HDAC9: variants seen among roughly 807,000 people sequenced by gnomAD.
The protein encoded by HDAC9 is MEF-2 interacting transcription repressor (MITR) protein.
HDAC9 carries 41 observed loss-of-function variants against 139.4 expected under a neutral mutation model. The observed-to-expected ratio is 0.29, with a 90% CI of 0.23 to 0.38. The LOEUF is 0.38. Among genes scored for constraint, HDAC9 ranks in the 10% least tolerant of loss-of-function variants. HDAC9 has a pLI of 1.00. For missense variants in HDAC9, 1,147 were observed against 1,297.0 expected (o/e 0.88, Z 1.78); for synonymous variants, 517 against 476.2 (o/e 1.09, Z -1.12).
intron 23 of HDAC9, among the ~76,000 whole-genome samples, chr7:18,940,775 C>A (rs189490838): frequency 3.3e-5 from 5 of 152,202 alleles, no homozygotes; most frequent in African/African-American, 1.2e-4. Context: ...ATTAGTGGCA[C>A]CCCGGGTTAC....
At chr7:18,804,890 G>A (rs779693117) in intron 17 of HDAC9, among the ~76,000 whole-genome samples, 1 of 152,138 alleles carries the variant, frequency 6.6e-6, no homozygotes, top group Non-Finnish European at 1.5e-5. Flanking sequence ...TGCTTCCCAG[G>A]CTTAAGTGAT....
At chr7:18,909,493 A>G (rs142469397) in intron 22 of HDAC9, among the ~76,000 whole-genome samples, 4 of 151,770 alleles carry the variant, frequency 2.6e-5, no homozygotes, top group Middle Eastern at 3.2e-3. Context: ...CATTTCCCCT[A>G]TGTTTTCTTT....
intron 6 of HDAC9, among the ~76,000 whole-genome samples, chr7:18,620,669 C>T (rs936913296): frequency 6.6e-6 from 1 of 152,094 alleles, no homozygotes; most frequent in Non-Finnish European, 1.5e-5. Context: ...AAGTGCTGCT[C>T]TTAGAGGGAA....
At chr7:18,548,253 G>A (rs1385972746) in intron 2 of HDAC9, among the ~76,000 whole-genome samples, 1 of 152,022 alleles carries the variant, frequency 6.6e-6, no homozygotes, top group South Asian at 2.1e-4. Flanking sequence ...GGTGTGGTTC[G>A]TGGTGCTCCA....
intron 1 of HDAC9, among the ~76,000 whole-genome samples, chr7:18,108,910 C>T (rs1376386451): frequency 2.0e-5 from 3 of 152,118 alleles, no homozygotes; most frequent in African/African-American, 2.4e-5. Context: ...TGAGCCACTG[C>T]GCCTGGCCAC....
intron 13 of HDAC9, among the ~76,000 whole-genome samples, chr7:18,740,561 C>T (rs1013011201): frequency 1.6e-4 from 24 of 152,240 alleles, no homozygotes; most frequent in African/African-American, 5.5e-4. Context: ...TCTTTTTGGC[C>T]CTCTCTATTC....
intron 1 of HDAC9, among the ~76,000 whole-genome samples, chr7:18,334,830 T>A (rs1331965309): frequency 6.6e-6 from 1 of 151,456 alleles, no homozygotes; most frequent in African/African-American, 2.4e-5. Context: ...GCTATTTTGC[T>A]CTCTGAAACT....
intron 1 of HDAC9, among the ~76,000 whole-genome samples, chr7:18,304,747 G>A (rs541613815): frequency 3.3e-5 from 5 of 152,186 alleles, no homozygotes; most frequent in African/African-American, 9.6e-5. Context: ...TTTAATGGGG[G>A]CAGAGTGCGT....
intron 13 of HDAC9, among the ~76,000 whole-genome samples, chr7:18,737,865 A>G (rs1438937241): frequency 6.6e-6 from 1 of 152,184 alleles, no homozygotes; most frequent in East Asian, 1.9e-4. Context: ...GGGGTGTTAA[A>G]GTCTCCCATT....
chr7:18,230,674 TG>T (rs1443773504), intron 2 of HDAC9, among the ~76,000 whole-genome samples: 1 of 152,214 alleles, frequency 6.6e-6, no homozygotes, highest in African/African-American at 2.4e-5. Context: ...GCAATGTTAA[TG>T]GGTTTTGGTC....
intron 1 of HDAC9, among the ~76,000 whole-genome samples, chr7:18,420,013 G>A (rs1789471788): frequency 6.6e-6 from 1 of 152,094 alleles, no homozygotes; most frequent in Non-Finnish European, 1.5e-5. Flanking sequence ...CCCCTGTTTT[G>A]TAAAAACAAA....
intron 2 of HDAC9, among the ~76,000 whole-genome samples, chr7:18,531,551 T>C (rs1268108190): frequency 6.6e-6 from 1 of 152,112 alleles, no homozygotes; most frequent in East Asian, 1.9e-4. Context: ...TAAAAAGTCA[T>C]TTTTCCCCTA....
intron 8 of HDAC9, among the ~76,000 whole-genome samples, chr7:18,643,975 C>A (rs1786550625): frequency 6.6e-6 from 1 of 151,404 alleles, no homozygotes; most frequent in African/African-American, 2.4e-5. Context: ...TGTGGGAAAA[C>A]ATGACTCTTA....
intron 21 of HDAC9, among the ~76,000 whole-genome samples, chr7:18,843,324 T>C (rs1025457685): frequency 6.6e-6 from 1 of 152,052 alleles, no homozygotes; most frequent in Non-Finnish European, 1.5e-5. Context: ...AATGAAATCT[T>C]TTTATGAAAT....
intron 1 of HDAC9, among the ~76,000 whole-genome samples, chr7:18,372,142 G>A (rs988302297): frequency 3.9e-5 from 6 of 152,182 alleles, no homozygotes; most frequent in Non-Finnish European, 7.3e-5. Context: ...CTTTGACAAG[G>A]CTCAAGTGTG....
chr7:18,241,387 C>G (rs1429973499), intron 2 of HDAC9, among the ~76,000 whole-genome samples: 1 of 152,090 alleles, frequency 6.6e-6, no homozygotes, highest in Non-Finnish European at 1.5e-5. Flanking sequence ...GATGTTTTCT[C>G]TTTCCATTAT....
At chr7:18,870,548 T>C (rs1331897510) in intron 21 of HDAC9, among the ~76,000 whole-genome samples, 2 of 152,130 alleles carry the variant, frequency 1.3e-5, no homozygotes, top group Non-Finnish European at 1.5e-5. Flanking sequence ...GTGTCTGAAG[T>C]TTTCTTCATT....
chr7:18,666,785 G>A lies in HDAC9; in HGVS notation c.1731+309G>A, dbSNP rs570793086. On this transcript the variant is annotated intron_variant, in intron 12 of 25. Transcript: ENST00000686413. ...TAATAGGCTTTAAATTTATCCCAAAGCCTGCTACACCAATTACTTCTAAAG... is the reference window on the plus strand; with the variant it reads ...TAATAGGCTTTAAATTTATCCCAAAACCTGCTACACCAATTACTTCTAAAG... 42 of 1,139,836 alleles carry A rather than the reference G, an allele frequency of 3.7e-5. No individual in the cohort carries two copies. In the East Asian group the frequency reaches 1.7e-3, roughly 47 times the overall value. 70.6% of individuals were successfully genotyped at this position (1,139,836 alleles called of 1,614,324 possible).
chr7:18,787,449 G>A (rs1490928000), intron 16 of HDAC9, among the ~76,000 whole-genome samples: 1 of 152,116 alleles, frequency 6.6e-6, no homozygotes, highest in Non-Finnish European at 1.5e-5. Flanking sequence ...TTTAATTCTG[G>A]CAATAAAACA....
Sources: allele counts gnomAD v4.1 joint callset (sites outside exome capture counted in the v4.1 genomes callset), GRCh38; gene constraint gnomAD v4.1.1; transcripts MANE v1.5; gene names NCBI Gene and HGNC (gene_info 2026-07-23, HGNC 2026-07-21).